IL3RA: variants seen among roughly 807,000 people sequenced by gnomAD.
IL3RA encodes interleukin-3 receptor subunit alpha.
IL3RA carries 73 observed loss-of-function variants against 52.3 expected under a neutral mutation model. The ratio of observed to expected loss-of-function variants is 1.40; its 90% CI spans 1.16 to 1.70. IL3RA has a LOEUF of 1.70. IL3RA is among the 40% of genes most tolerant of loss of function. The pLI, the probability that IL3RA is intolerant of heterozygous loss-of-function variation, is 0.00. For missense variants in IL3RA, 664 were observed against 504.4 expected, an observed-to-expected ratio of 1.32 and a Z score of -3.03; for synonymous variants, 260 against 194.0, an observed-to-expected ratio of 1.34 and a Z score of -2.83.
chrX:1,362,709 T>C (rs1392406935), intron 8 of IL3RA, among the ~76,000 whole-genome samples: 4 of 152,178 alleles, frequency 2.6e-5, no homozygotes, highest in African/African-American at 9.6e-5. Flanking sequence ...CTTGTGGCCA[T>C]ATCACTCCAC....
At chrX:1,367,608 AGCGGGGTGC>A (rs1209297014) in intron 9 of IL3RA, among the ~76,000 whole-genome samples, 8 of 66,446 alleles carry the variant, frequency 1.2e-4, no homozygotes, top group Non-Finnish European at 2.2e-4. Context: ...GCGCGGGGTG[AGCGGGGTGC>A]GCGGGGTGAG....
intron 9 of IL3RA, 107 bp from the exon 10 acceptor site, chrX:1,378,552 C>G: frequency 1.0e-6 from 1 of 954,832 alleles, no homozygotes; most frequent in Non-Finnish European, 1.6e-6. Flanking sequence ...GACGCCACCC[C>G]ATATGGCAGC....
rs374031122 is a variant in IL3RA, at chrX:1,345,338, C to T, written c.87C>T (p.Asn29=). Reference sequence around the variant, plus strand: ...TAGATCCAAACCCACCAATCACGAACCTAAGGATGAAAGCAAAGGCTCAGC... The same window carrying T: ...TAGATCCAAACCCACCAATCACGAATCTAAGGATGAAAGCAAAGGCTCAGC... The part of the protein sequence containing the change: ...TKEDPNPPIT[N]LRMKAKAQQL... The change falls in exon 3 of 12, where the codon AAC becomes AAT. Residue 29 remains asparagine (N), a synonymous_variant. Transcript: ENST00000331035. The T allele has an allele frequency of 1.2e-6, 2 of 1,610,672 alleles. No individual in the cohort carries two copies. The highest frequency in any genetic ancestry group is 2.7e-5 in the African/African-American group (2 of 74,588).
At chrX:1,339,247 G>A (rs759996385) in intron 1 of IL3RA, among the ~76,000 whole-genome samples, 132 of 152,282 alleles carry the variant, frequency 8.7e-4, no homozygotes, top group African/African-American at 3.0e-3. Context: ...TGTGTGTGGT[G>A]AGCCCATGAG....
intron 9 of IL3RA, among the ~76,000 whole-genome samples, chrX:1,370,885 C>G (rs1197961304): frequency 2.5e-5 from 1 of 39,696 alleles, no homozygotes; most frequent in Non-Finnish European, 4.4e-5. Context: ...GGATCTCAGA[C>G]CTCCAGCCTC....
chrX:1,379,254 C>A (rs767627179), intron 10 of IL3RA, among the ~76,000 whole-genome samples: 1 of 152,196 alleles, frequency 6.6e-6, no homozygotes, highest in East Asian at 1.9e-4. Flanking sequence ...CTCCCGGGTT[C>A]AAGTGATTCT....
At chrX:1,367,844 G>C (rs1386447594) in intron 9 of IL3RA, among the ~76,000 whole-genome samples, 2 of 150,662 alleles carry the variant, frequency 1.3e-5, no homozygotes, top group Non-Finnish European at 3.0e-5. Flanking sequence ...GCCATCCTGG[G>C]TCACGGAAAC....
intron 9 of IL3RA, among the ~76,000 whole-genome samples, chrX:1,377,250 C>G (rs1462952035): frequency 6.6e-6 from 1 of 151,604 alleles, no homozygotes; most frequent in East Asian, 1.9e-4. Context: ...CTTTTTTTTC[C>G]TCTTTTTCTG....
chrX:1,338,778 C>T (rs1434158029), intron 1 of IL3RA, among the ~76,000 whole-genome samples: 9 of 151,498 alleles, frequency 5.9e-5, no homozygotes, highest in Non-Finnish European at 1.0e-4. Flanking sequence ...CTTTTGGGGT[C>T]GTGACAATGT....
At chrX:1,349,799 A>G (rs1327283366) in intron 4 of IL3RA, among the ~76,000 whole-genome samples, 1 of 151,866 alleles carries the variant, frequency 6.6e-6, no homozygotes, top group Non-Finnish European at 1.5e-5. Context: ...AGTAGCTGGG[A>G]TTACAGGCAC....
chrX:1,380,764 AG>A (rs1360146781), intron 10 of IL3RA, among the ~76,000 whole-genome samples: 6 of 151,152 alleles, frequency 4.0e-5, no homozygotes, highest in Non-Finnish European at 7.4e-5. Context: ...CTGAGGCACC[AG>A]GGGTCTGTCT....
intron 8 of IL3RA, among the ~76,000 whole-genome samples, chrX:1,359,765 CCT>C (rs56208565): frequency 2.5e-3 from 306 of 121,758 alleles, no homozygotes; most frequent in Non-Finnish European, 4.1e-3. Context: ...TCTGTCTCTC[CCT>C]CTCTCATTCT....
At chrX:1,363,702 G>C (rs1366823248) in intron 8 of IL3RA, among the ~76,000 whole-genome samples, 31 of 152,092 alleles carry the variant, frequency 2.0e-4, no homozygotes, top group African/African-American at 7.5e-4. Flanking sequence ...AATATGAATG[G>C]TCTTTTCTTC....
chrX:1,345,365 G>C lies in IL3RA; in HGVS notation c.114G>C (p.Gln38His). ...TNLRMKAKAQ[Q>H]LTWDLNRNVT... ...TAAGGATGAAAGCAAAGGCTCAGCA[G>C]TTGACCTGGGACCTTAACAGAAATG... Residue 38 changes from glutamine (Q) to histidine (H), a missense_variant, in exon 3 of 12, where the codon CAG (glutamine) becomes CAC (histidine). Gln to His is a conservative substitution (Grantham distance 24). Coordinates refer to ENST00000331035, the MANE Select transcript of IL3RA (RefSeq NM_002183.4). 1 of 1,611,568 alleles carries C rather than the reference G, an allele frequency of 6.2e-7. No individual in the cohort carries two copies.
chrX:1,341,214 C>T (rs1454884795), intron 1 of IL3RA, among the ~76,000 whole-genome samples: 2 of 151,934 alleles, frequency 1.3e-5, no homozygotes, highest in Non-Finnish European at 2.9e-5. Flanking sequence ...GCAGGAGAGT[C>T]GCTTGAACCT....
intron 11 of IL3RA, 62 bp from the exon 12 acceptor site, chrX:1,382,329 A>G: frequency 9.1e-7 from 1 of 1,101,916 alleles, no homozygotes; most frequent in Non-Finnish European, 1.2e-6. Context: ...CCCGCAGATC[A>G]GGACGTGGGC....
chrX:1,357,795 T>G (rs867405818), intron 7 of IL3RA, among the ~76,000 whole-genome samples: 1 of 120,998 alleles, frequency 8.3e-6, no homozygotes, highest in African/African-American at 3.7e-5. Flanking sequence ...TCTGTTTGGG[T>G]TTTTTTTTTT....
At position 1,365,148 on chromosome X, in the gene IL3RA, G is replaced by C. The variant is rs1427026547; in HGVS notation, c.770G>C (p.Arg257Thr). The C allele has an allele frequency of 6.2e-7, 1 of 1,609,122 alleles. No individual in the cohort carries two copies. Among genetic ancestry groups the C allele is most frequent in the Non-Finnish European group, 8.5e-7 (1 of 1,177,278 alleles). ...QPVITEQVRD[R>T]TSFQLLNPGT... is the part of the protein sequence containing the mutation. ...TCTTTCAAACCACAGGTCAGAGACA[G>C]AACCTCCTTCCAGCTACTCAATCCT... is the stretch of plus-strand genomic sequence containing the variant. Residue 257 changes from arginine (R) to threonine (T), a missense_variant, in exon 9 of 12, where the codon AGA becomes ACA. By Grantham distance (71) the Arg-to-Thr change is moderately conservative (BLOSUM62 -1). Transcript: ENST00000331035.
intron 2 of IL3RA, among the ~76,000 whole-genome samples, chrX:1,343,683 A>T (rs1389617506): frequency 1.4e-5 from 2 of 147,810 alleles, no homozygotes; most frequent in Non-Finnish European, 3.0e-5. Flanking sequence ...AAAAAAAAAA[A>T]AAGAATATTG....
Sources: allele counts gnomAD v4.1 joint callset (sites outside exome capture counted in the v4.1 genomes callset), GRCh38; gene constraint gnomAD v4.1.1; transcripts MANE v1.5; gene names NCBI Gene and HGNC (gene_info 2026-07-23, HGNC 2026-07-21).